The following CENPN variants were observed in gnomAD, a reference collection of about 807,000 sequenced individuals.
CENPN encodes the protein interphase centromere complex protein 32.
A neutral mutation model predicts 48.6 loss-of-function variants in CENPN; 36 were observed. That is an observed-to-expected ratio of 0.74 (90% CI 0.57 to 0.98). CENPN has a LOEUF of 0.98. CENPN is among the 50% of genes least tolerant of loss of function. CENPN has a pLI of 0.00. For synonymous variants in CENPN, 166 were observed against 135.2 expected, an observed-to-expected ratio of 1.23 and a Z score of -1.58; for missense variants, 439 against 399.2, an observed-to-expected ratio of 1.10 and a Z score of -0.85.
At chr16:81,008,561 G>A (rs1304777469) in intron 1 of CENPN, among the ~76,000 whole-genome samples, 1 of 152,068 alleles carries the variant, frequency 6.6e-6, no homozygotes, top group Non-Finnish European at 1.5e-5. Context: ...TAGTAGAGAC[G>A]GAGTTTCACC....
chr16:81,026,405 A>C (rs1017008296), intron 8 of CENPN, 121 bp from the exon 9 acceptor site: 40 of 443,882 alleles, frequency 9.0e-5, no homozygotes, highest in African/African-American at 4.6e-4. Flanking sequence ...CCAAGAGAAG[A>C]AGCAGTAAAT....
chr16:81,024,952 C>T (rs1970397293), intron 8 of CENPN, among the ~76,000 whole-genome samples, 174 bp downstream of exon 8: 1 of 152,112 alleles, frequency 6.6e-6, no homozygotes, highest in Admixed American at 6.5e-5. Context: ...CATAGTTCTC[C>T]TTTAGAATTT....
At chr16:81,007,661 C>T (rs1350781596) in intron 1 of CENPN, among the ~76,000 whole-genome samples, 4 of 152,220 alleles carry the variant, frequency 2.6e-5, no homozygotes, top group Admixed American at 2.6e-4. Context: ...CCTGTACCCT[C>T]TTGCGTTGCT....
chr16:81,021,620 C>T (rs1182127546), intron 6 of CENPN, among the ~76,000 whole-genome samples: 2 of 152,162 alleles, frequency 1.3e-5, no homozygotes, highest in East Asian at 3.8e-4. Context: ...AAGACTGCTA[C>T]TCACTTCTAT....
At chr16:81,032,729 G>T (rs745462967), downstream of CENPN, 80 of 1,579,516 alleles carry the variant, frequency 5.1e-5, no homozygotes, top group Non-Finnish European at 6.7e-5. Context: ...CATTTAAATG[G>T]TTAATCAAAT....
chr16:81,020,861 A>C (rs971951700), intron 6 of CENPN, among the ~76,000 whole-genome samples: 1 of 152,170 alleles, frequency 6.6e-6, no homozygotes, highest in African/African-American at 2.4e-5. Context: ...AGGCCGAGGC[A>C]GGTGGATCAC....
In CENPN at chr16:81,030,264, A is replaced by T; in HGVS notation, c.*1613A>T. Reference sequence around the variant, plus strand: ...GTCTTTTTTAAACATTTTAAAATCTATTCTTTATCTTGTTTCAGAGAGGAT... The same window carrying T: ...GTCTTTTTTAAACATTTTAAAATCTTTTCTTTATCTTGTTTCAGAGAGGAT... On this transcript the variant is annotated 3_prime_UTR_variant, in exon 11 of 11. Transcript: ENST00000305850. The T allele has an allele frequency of 1.0e-6, 1 of 985,452 alleles. No homozygotes were observed. The highest frequency in any genetic ancestry group is 1.2e-6 in the Non-Finnish European group (1 of 829,930). 61.0% of individuals were successfully genotyped at this position (985,452 alleles called of 1,614,324 possible).
At chr16:81,009,211 C>T (rs1198444471) in intron 1 of CENPN, among the ~76,000 whole-genome samples, 3 of 151,798 alleles carry the variant, frequency 2.0e-5, no homozygotes, top group African/African-American at 4.8e-5. Flanking sequence ...AGCAAGATTC[C>T]GTCTAAAAAA....
chr16:81,009,834 G>C (rs966497660), intron 1 of CENPN, among the ~76,000 whole-genome samples: 6 of 152,222 alleles, frequency 3.9e-5, no homozygotes, highest in African/African-American at 1.4e-4. Flanking sequence ...CAAGGTCTGT[G>C]TGTGCCTTCC....
chr16:81,024,505 G>A (rs1597104213), intron 7 of CENPN: 3 of 423,708 alleles, frequency 7.1e-6, no homozygotes, highest in Non-Finnish European at 1.3e-5. Context: ...ATAAAGCACA[G>A]AGCTCCTCAA....
intron 1 of CENPN, among the ~76,000 whole-genome samples, chr16:81,009,145 T>C (rs1316256567): frequency 6.6e-6 from 1 of 152,162 alleles, no homozygotes; most frequent in Non-Finnish European, 1.5e-5. Flanking sequence ...AGGCAGAGGC[T>C]GCAGGAGGCT....
intron 2 of CENPN, 122 bp from the exon 3 acceptor site, chr16:81,014,014 G>A (rs1431138403): frequency 4.8e-6 from 3 of 629,412 alleles, no homozygotes; most frequent in Non-Finnish European, 8.4e-6. Flanking sequence ...TTGGAGATGG[G>A]TTGTCAGTAA....
downstream of CENPN, chr16:81,032,775 A>C: frequency 1.4e-6 from 2 of 1,389,524 alleles, no homozygotes; most frequent in Non-Finnish European, 2.0e-6. Flanking sequence ...ACTGCTATAG[A>C]CTAATGCAGG....
At chr16:81,021,387 C>T (rs1029933599) in intron 6 of CENPN, among the ~76,000 whole-genome samples, 3 of 152,138 alleles carry the variant, frequency 2.0e-5, no homozygotes, top group Non-Finnish European at 2.9e-5. Context: ...GCATTCACAA[C>T]CTCAGTGGCA....
At chr16:81,023,085 G>A (rs890175386) in intron 7 of CENPN, 1 of 417,458 alleles carries the variant, frequency 2.4e-6, no homozygotes, top group Non-Finnish European at 4.3e-6. Flanking sequence ...GGTTATACAG[G>A]CACTGGAATT....
rs773055795 is a variant in CENPN at position 81,026,553 on chromosome 16, T to A, written c.725T>A (p.Ile242Lys). 6.3e-7 allele frequency: 1 copy of A among 1,599,674 alleles called. No homozygotes were observed. The highest frequency in any genetic ancestry group is 8.6e-7 in the Non-Finnish European group (1 of 1,169,124). The change falls in exon 9 of 11, where the codon ATA (isoleucine) becomes AAA (lysine). Residue 242 changes from isoleucine (I) to lysine (K), a missense_variant. Physicochemically the swap from Ile to Lys is moderately radical, Grantham distance 102. Coordinates refer to ENST00000305850, the MANE Select transcript of CENPN (RefSeq NM_001100624.3). ...GATTCAAGGATCATTCATGAAAACA[T>A]AGTAGAAAAAGAGAGAGTCCAACGA... ...NMDSRIIHEN[I>K]VEKERVQRIT...
At chr16:81,019,207 CTTTTTGTTTTG>C (rs1443631120) in intron 5 of CENPN, among the ~76,000 whole-genome samples, 1 of 151,822 alleles carries the variant, frequency 6.6e-6, no homozygotes, top group African/African-American at 2.4e-5. Context: ...TTTTCTTCTT[CTTTTTGTTTTG>C]TTTTTGTTTT....
chr16:81,018,265 C>G (rs925909437), intron 5 of CENPN, among the ~76,000 whole-genome samples: 1 of 151,906 alleles, frequency 6.6e-6, no homozygotes, highest in Non-Finnish European at 1.5e-5. Context: ...CAACTGCCTC[C>G]TGGGTTCAAG....
chr16:81,020,237 C>T lies in CENPN; in HGVS notation c.492C>T (p.Ser164=). ...CCCAGACTCCGTACGCCTTCACGTC[C>T]TCCTCCATGCTGAGGCGCAATACAC... The part of the protein sequence containing the change: ...YYSQTPYAFT[S]SSMLRRNTPL... Residue 164 remains serine, a synonymous_variant, in exon 6 of 11, where the codon TCC becomes TCT. Transcript: ENST00000305850. 1 of 1,613,826 alleles carries T rather than the reference C, an allele frequency of 6.2e-7. No individual in the cohort carries two copies. The highest frequency in any genetic ancestry group is 8.5e-7 in the Non-Finnish European group (1 of 1,179,910).
Sources: gnomAD v4.1 joint callset for allele counts (sites outside exome capture counted in the v4.1 genomes callset) on GRCh38, gnomAD v4.1.1 for gene constraint, MANE v1.5 for transcripts, NCBI Gene and HGNC (gene_info 2026-07-23, HGNC 2026-07-21) for gene names.